RPTOR: variants seen among roughly 807,000 people sequenced by gnomAD.
RPTOR encodes regulatory-associated protein of mTOR.
In RPTOR, 21 loss-of-function variants were observed where a neutral mutation model predicts 169.9. That is an observed-to-expected ratio of 0.12 (90% CI 0.09 to 0.18). RPTOR has a LOEUF of 0.18. Among genes scored for constraint, RPTOR ranks in the 10% least tolerant of loss-of-function variants. RPTOR has a pLI of 1.00. For missense variants in RPTOR, 1,133 were observed against 1,855.9 expected (o/e 0.61, Z 7.16); for synonymous variants, 732 against 753.2 (o/e 0.97, Z 0.46).
rs2069113667 is a variant in RPTOR at position 80,947,125 on chromosome 17, TG to T, written c.3141-100del. The T allele has an allele frequency of 1.7e-6, 2 of 1,196,312 alleles. No individual in the cohort carries two copies. The highest frequency in any genetic ancestry group is 5.9e-5 in the East Asian group (2 of 33,688). The allele number at this position is 1,196,312 out of a possible 1,614,324, so 74.1% of individuals were successfully genotyped here. A position where few individuals can be genotyped will look rare whatever the true frequency, so the allele number is the denominator to read the frequency against. On this transcript the variant is annotated intron_variant, in intron 26 of 33. Coordinates refer to ENST00000306801, the MANE Select transcript of RPTOR (RefSeq NM_020761.3). The surrounding 1 kb of genome is among the most constrained non-coding windows in gnomAD (Gnocchi z 4.4). ...AGCCGCCGTGCCCGGCTGTGGTGTG[TG>T]GTTTTTTGATAGCAGCCCGGTGGGT...
chr17:80,791,581 C>A, intron 7 of RPTOR, 72 bp downstream of exon 7: 1 of 1,370,608 alleles, frequency 7.3e-7, no homozygotes. Context: ...AAGGCTCTTG[C>A]TTCTCAGAAG....
rs982063757 is a variant in RPTOR, at chr17:80,708,080, C to T, written c.507+81C>T. ...GTGGTCGGAGCAGGTCCTGCCCATC[C>T]GTAGCTTCTGTTAAGCCATTGATGT... On this transcript the variant is annotated intron_variant, in intron 4 of 33. Coordinates refer to ENST00000306801, the MANE Select transcript of RPTOR (RefSeq NM_020761.3). The surrounding 1 kb of genome is among the most constrained non-coding windows in gnomAD (Gnocchi z 4.2). 91 of 1,373,436 alleles carry T rather than the reference C, an allele frequency of 6.6e-5. No homozygotes were observed. The highest frequency in any genetic ancestry group is 1.4e-4 in the East Asian group (6 of 41,568). The allele number at this position is 1,373,436 out of a possible 1,614,324, so 85.1% of individuals were successfully genotyped here.
At chr17:80,619,064 C>T (rs1001551666) in intron 1 of RPTOR, among the ~76,000 whole-genome samples, 1 of 152,128 alleles carries the variant, frequency 6.6e-6, no homozygotes, top group South Asian at 2.1e-4. Flanking sequence ...TGTGTAGCTT[C>T]GGCTTTGCTC....
At chr17:80,768,243 C>G (rs2066807472) in intron 6 of RPTOR, among the ~76,000 whole-genome samples, 1 of 152,146 alleles carries the variant, frequency 6.6e-6, no homozygotes, top group Admixed American at 6.6e-5. Context: ...TTACTGTTGG[C>G]TCACATTTCC....
At chr17:80,832,393 G>A (rs1195909050) in intron 9 of RPTOR, among the ~76,000 whole-genome samples, 2 of 152,152 alleles carry the variant, frequency 1.3e-5, no homozygotes, top group Non-Finnish European at 2.9e-5. Context: ...CAGGCCTGGG[G>A]GACAGACTTG....
intron 1 of RPTOR, among the ~76,000 whole-genome samples, chr17:80,599,849 A>G (rs978085033): frequency 2.0e-5 from 3 of 152,068 alleles, no homozygotes; most frequent in African/African-American, 7.2e-5. Flanking sequence ...GGAAAGAGGA[A>G]AGTATGTGTG....
chr17:80,832,611 T>C (rs943279113), intron 9 of RPTOR, among the ~76,000 whole-genome samples: 8 of 152,102 alleles, frequency 5.3e-5, no homozygotes, highest in Non-Finnish European at 2.9e-5. Context: ...AGAATCGTGC[T>C]CTCCTCTGTT....
At chr17:80,598,667 T>C (rs1037947652) in intron 1 of RPTOR, among the ~76,000 whole-genome samples, 9 of 152,198 alleles carry the variant, frequency 5.9e-5, no homozygotes, top group Non-Finnish European at 1.0e-4. Flanking sequence ...CTTGCAGCTC[T>C]GTGATCCTGC....
chr17:80,855,625 TA>T, intron 12 of RPTOR, 78 bp downstream of exon 12: 1 of 1,149,486 alleles, frequency 8.7e-7, no homozygotes, highest in South Asian at 1.2e-5. Context: ...TCTGTGCACG[TA>T]TTTCATGATC....
chr17:80,570,546 C>T (rs1160765625), intron 1 of RPTOR, among the ~76,000 whole-genome samples: 3 of 152,038 alleles, frequency 2.0e-5, no homozygotes, highest in Admixed American at 6.6e-5. Flanking sequence ...CTGCAACCTC[C>T]GCCTCCTGGG....
chr17:80,554,616 C>T (rs552243586), intron 1 of RPTOR, among the ~76,000 whole-genome samples: 6 of 152,130 alleles, frequency 3.9e-5, no homozygotes, highest in South Asian at 4.2e-4. Flanking sequence ...AGGTGACGGG[C>T]GCCTGTAGTC....
rs962488514 is a variant in RPTOR at position 80,587,645 on chromosome 17, T to C, written c.163-38046T>C. 5.3e-5 allele frequency among the ~76,000 whole-genome samples: 8 copies of C among 152,214 alleles called. No homozygotes were observed. In the South Asian group the frequency reaches 1.7e-3, roughly 32 times the overall value. Reference sequence around the variant, plus strand: ...TATGTATTATATCATGGCTGTAATTTACTTCCCCCTGGCCCCGACTTTGAA... The same window carrying C: ...TATGTATTATATCATGGCTGTAATTCACTTCCCCCTGGCCCCGACTTTGAA... On this transcript the variant is annotated intron_variant, in intron 1 of 33. Transcript: ENST00000306801.
chr17:80,620,739 G>A (rs955425163), intron 1 of RPTOR, among the ~76,000 whole-genome samples: 1 of 152,224 alleles, frequency 6.6e-6, no homozygotes, highest in South Asian at 2.1e-4. Flanking sequence ...GCACGTGATC[G>A]TGGTCAACAG....
chr17:80,625,913 G>A (rs1249358133), intron 2 of RPTOR, 120 bp downstream of exon 2: 2 of 683,250 alleles, frequency 2.9e-6, no homozygotes, highest in Non-Finnish European at 5.2e-6. Context: ...AAATCTGAGG[G>A]GTTTTTCTTT....
At chr17:80,778,955 G>A (rs2066914844) in intron 6 of RPTOR, among the ~76,000 whole-genome samples, 1 of 152,236 alleles carries the variant, frequency 6.6e-6, no homozygotes, top group African/African-American at 2.4e-5. Flanking sequence ...AAACATCTGT[G>A]TGCTGGCATG....
intron 11 of RPTOR, among the ~76,000 whole-genome samples, chr17:80,852,264 G>A (rs891071818): frequency 2.0e-4 from 30 of 152,162 alleles, no homozygotes; most frequent in African/African-American, 7.2e-4. Context: ...TGATATTGAA[G>A]TTTCCAGAAG....
intron 1 of RPTOR, among the ~76,000 whole-genome samples, chr17:80,592,511 T>C (rs1020407065): frequency 6.6e-6 from 1 of 152,080 alleles, no homozygotes; most frequent in Admixed American, 6.6e-5. Context: ...GAACAGGATA[T>C]GACTGCCCAG....
intron 7 of RPTOR, among the ~76,000 whole-genome samples, chr17:80,799,164 T>C (rs1248460599): frequency 6.6e-6 from 1 of 152,234 alleles, no homozygotes; most frequent in Non-Finnish European, 1.5e-5. Flanking sequence ...AATGGTGAGA[T>C]AACTTGTTTT....
In RPTOR at chr17:80,874,858, CTT is replaced by C. The variant is rs149736557; in HGVS notation, c.1510-5552_1510-5551del. ...TCAGGAGCTGTGTTCTTGTTGGAAA[CTT>C]TTTTCCTTCCCAGCACCCCGCTCAT... On this transcript the variant is annotated intron_variant, in intron 13 of 33. Transcript: ENST00000306801. Among the ~76,000 whole-genome samples, 740 of 152,294 alleles carry C rather than the reference CTT, an allele frequency of 4.9e-3. 9 individuals carry two copies. The highest frequency in any genetic ancestry group is 0.017 in the African/African-American group (708 of 41,546).
Sources: gnomAD v4.1 joint callset for allele counts (sites outside exome capture counted in the v4.1 genomes callset) on GRCh38, gnomAD v4.1.1 for gene constraint, Gnocchi (gnomAD v3.1) non-coding constraint, MANE v1.5 for transcripts, NCBI Gene and HGNC (gene_info 2026-07-23, HGNC 2026-07-21) for gene names.